Variants in DCP2 observed in about 807,000 individuals in gnomAD.
DCP2 encodes the protein decapping mRNA 2, also known as m7GpppN-mRNA hydrolase.
Under a neutral mutation model 56.1 loss-of-function variants are expected in DCP2, and 30 were observed. The ratio of observed to expected loss-of-function variants is 0.53; its 90% CI spans 0.40 to 0.73. The LOEUF is 0.73. DCP2 is among the 30% of genes least tolerant of loss of function. The probability of loss-of-function intolerance (pLI) is 0.00; values close to 1 mark genes in which losing one functional copy is unlikely to be tolerated. For missense variants in DCP2, 533 were observed against 502.7 expected, an observed-to-expected ratio of 1.06 and a Z score of -0.58; for synonymous variants, 197 against 163.3, an observed-to-expected ratio of 1.21 and a Z score of -1.57.
At chr5:113,009,425 A>T (rs1561704519) in intron 9 of DCP2, among the ~76,000 whole-genome samples, 1 of 152,258 alleles carries the variant, frequency 6.6e-6, no homozygotes, top group African/African-American at 2.4e-5. Flanking sequence ...AAGAATGTAA[A>T]TTGAAATGAG....
intron 2 of DCP2, among the ~76,000 whole-genome samples, chr5:112,987,288 A>G (rs138808395): frequency 1.3e-5 from 2 of 152,258 alleles, no homozygotes; most frequent in East Asian, 3.9e-4. Flanking sequence ...GGTAAAGAAA[A>G]ATTGGAGATT....
intron 4 of DCP2, among the ~76,000 whole-genome samples, chr5:112,993,148 A>G (rs1014587846): frequency 1.3e-5 from 2 of 152,268 alleles, no homozygotes; most frequent in East Asian, 3.9e-4. Flanking sequence ...TTTTCTAAGA[A>G]GTTGACATTT....
At chr5:112,977,932 A>C (rs1031979601) in intron 1 of DCP2, among the ~76,000 whole-genome samples, 3 of 150,870 alleles carry the variant, frequency 2.0e-5, no homozygotes, top group African/African-American at 7.4e-5. Context: ...GAAAGTAAAG[A>C]ACTGGTGTTT....
rs1356149218 is a variant in DCP2, at chr5:113,019,309, A to G, written c.*5825A>G. Reference sequence around the variant, plus strand: ...AATTCTTCAGCAGTTGGTTGATTAGATGGGTTAGTGCTTTTGGAATATATA... The same window carrying G: ...AATTCTTCAGCAGTTGGTTGATTAGGTGGGTTAGTGCTTTTGGAATATATA... On this transcript the variant is annotated 3_prime_UTR_variant, in exon 11 of 11. Transcript: ENST00000389063. The G allele has an allele frequency of 6.6e-6, 1 of 152,220 alleles. No individual in the cohort carries two copies. The highest frequency in any genetic ancestry group is 2.4e-5 in the African/African-American group (1 of 41,462). 9.4% of individuals were successfully genotyped at this position (152,220 alleles called of 1,614,324 possible). A position where few individuals can be genotyped will look rare whatever the true frequency, so the allele number is the denominator to read the frequency against.
intron 7 of DCP2, 110 bp downstream of exon 7, chr5:113,001,784 A>T: frequency 1.1e-6 from 1 of 918,170 alleles, no homozygotes; most frequent in Non-Finnish European, 1.7e-6. Flanking sequence ...TTTTATAGAT[A>T]CTCTTTGTTA....
At position 113,020,731 on chromosome 5, in the gene DCP2, A is replaced by G. The variant is rs1364817320; in HGVS notation, c.*7247A>G. The G allele has an allele frequency of 6.6e-6, 1 of 152,112 alleles. No homozygotes were observed. Among genetic ancestry groups the G allele is most frequent in the Non-Finnish European group, 1.5e-5 (1 of 68,016 alleles). 9.4% of individuals were successfully genotyped at this position (152,112 alleles called of 1,614,324 possible). A position where few individuals can be genotyped will look rare whatever the true frequency, so the allele number is the denominator to read the frequency against. On this transcript the variant is annotated 3_prime_UTR_variant, in exon 11 of 11. Transcript: ENST00000389063. ...CACTAGAATGTCAGCTGTACTCTGT[A>G]CTCTCCACTGAGAAAATGAACAAAA...
rs932216811 is a variant in DCP2, at chr5:113,020,298, C to G, written c.*6814C>G. On this transcript the variant is annotated 3_prime_UTR_variant, in exon 11 of 11. Transcript: ENST00000389063. ...TTTATCTTATGTGAAATGATTCAAC[C>G]TTTAATTTTTGCCTAGATTATAGCA... 1 of 152,042 alleles carries G rather than the reference C, an allele frequency of 6.6e-6. No homozygotes were observed. The highest frequency in any genetic ancestry group is 1.5e-5 in the Non-Finnish European group (1 of 67,992). 9.4% of individuals were successfully genotyped at this position (152,042 alleles called of 1,614,324 possible). A position where few individuals can be genotyped will look rare whatever the true frequency, so the allele number is the denominator to read the frequency against.
At chr5:113,011,087 G>A (rs1580837158) in intron 10 of DCP2, among the ~76,000 whole-genome samples, 1 of 152,152 alleles carries the variant, frequency 6.6e-6, no homozygotes, top group African/African-American at 2.4e-5. Flanking sequence ...AATTGCATAA[G>A]GATTTGGGGA....
At chr5:113,000,223 A>C (rs1483440775) in intron 4 of DCP2, among the ~76,000 whole-genome samples, 2 of 151,934 alleles carry the variant, frequency 1.3e-5, no homozygotes, top group Non-Finnish European at 2.9e-5. Flanking sequence ...CTCCCAAAGT[A>C]CTGAGATTGC....
rs1232306466 is a variant in DCP2 at position 113,018,421 on chromosome 5, C to G, written c.*4937C>G. On this transcript the variant is annotated 3_prime_UTR_variant, in exon 11 of 11. Transcript: ENST00000389063. ...GAGGAGTATGGTCTAGCTATGTTAG[C>G]AGCTTGAAGGCACAACGTAAAAGGA... 1 of 152,216 alleles carries G rather than the reference C, an allele frequency of 6.6e-6. No homozygotes were observed. Among genetic ancestry groups the G allele is most frequent in the Non-Finnish European group, 1.5e-5 (1 of 68,038 alleles). 9.4% of individuals were successfully genotyped at this position (152,216 alleles called of 1,614,324 possible).
At chr5:113,000,262 T>G (rs1749093928) in intron 4 of DCP2, among the ~76,000 whole-genome samples, 9 of 149,928 alleles carry the variant, frequency 6.0e-5, no homozygotes, top group African/African-American at 2.2e-4. Context: ...CCAGTCCTGT[T>G]TTTTTGAAGT....
rs979852627 is a variant in DCP2, at chr5:113,013,609, A to T, written c.*125A>T. On this transcript the variant is annotated 3_prime_UTR_variant, in exon 11 of 11. Transcript: ENST00000389063. ...GCAGGGAGGCAATGTTTCTGAAGAC[A>T]TTTTCTGTTTATAAGAGAGTAGAAA... The T allele has an allele frequency of 8.6e-7, 1 of 1,164,520 alleles. No homozygotes were observed. Among genetic ancestry groups the T allele is most frequent in the East Asian group, 2.4e-5 (1 of 42,546 alleles). 72.1% of individuals were successfully genotyped at this position (1,164,520 alleles called of 1,614,324 possible).
intron 8 of DCP2, among the ~76,000 whole-genome samples, chr5:113,007,475 A>G (rs1749493791): frequency 6.7e-6 from 1 of 150,290 alleles, no homozygotes; most frequent in Admixed American, 6.7e-5. Flanking sequence ...ATCTTGGCTG[A>G]CTGCAACCTC....
chr5:113,011,681 AGAAAG>A (rs1351435242), intron 10 of DCP2, among the ~76,000 whole-genome samples: 1 of 152,214 alleles, frequency 6.6e-6, no homozygotes, highest in Non-Finnish European at 1.5e-5. Flanking sequence ...TTAACTGTGA[AGAAAG>A]GAACTATCAT....
intron 10 of DCP2, among the ~76,000 whole-genome samples, chr5:113,012,892 T>C (rs1459772256): frequency 6.6e-6 from 1 of 152,176 alleles, no homozygotes. Context: ...TCTGCCCTCC[T>C]TGGCCTCCCA....
chr5:113,008,449 C>T (rs1749540264), intron 9 of DCP2: 1 of 147,666 alleles, frequency 6.8e-6, no homozygotes, highest in Non-Finnish European at 1.5e-5. Context: ...GTGCTATTGT[C>T]ATTAGATTTT....
At chr5:112,978,597 T>G (rs1747840905) in intron 1 of DCP2, among the ~76,000 whole-genome samples, 2 of 152,150 alleles carry the variant, frequency 1.3e-5, no homozygotes, top group Admixed American at 1.3e-4. Flanking sequence ...GGCGCTGTAC[T>G]TCTTTGGTGA....
In DCP2 at chr5:113,010,750, A is replaced by T. The variant is rs202051920; in HGVS notation, c.1048-6A>T. 4.3e-5 allele frequency: 67 copies of T among 1,549,890 alleles called. No homozygotes were observed. The highest frequency in any genetic ancestry group is 2.0e-4 in the Admixed American group (10 of 49,750). ...GTGTGTGTGTGTTTTTTTTTTTTTT[A>T]AATAGAAGTGTGAAAAGAAACTTCA... On this transcript the variant is annotated splice_polypyrimidine_tract_variant and splice_region_variant and intron_variant, in intron 9 of 10. Transcript: ENST00000389063.
At chr5:112,989,001 A>G (rs1410421485) in intron 2 of DCP2, among the ~76,000 whole-genome samples, 2 of 152,246 alleles carry the variant, frequency 1.3e-5, no homozygotes, top group East Asian at 3.8e-4. Context: ...GAATAGCTAC[A>G]TGGAGAAGGA....
Sources: gnomAD v4.1 joint callset for allele counts (sites outside exome capture counted in the v4.1 genomes callset) on GRCh38, gnomAD v4.1.1 for gene constraint, MANE v1.5 for transcripts, NCBI Gene and HGNC (gene_info 2026-07-23, HGNC 2026-07-21) for gene names.